The following GALNT13 variants were observed in gnomAD, a reference collection of about 807,000 sequenced individuals.
The protein encoded by GALNT13 is polypeptide N-acetylgalactosaminyltransferase 13, also known as UDP-GalNAc:polypeptide N-acetylgalactosaminyltransferase 13.
A neutral mutation model predicts 64.2 loss-of-function variants in GALNT13; 28 were observed. That is an observed-to-expected ratio of 0.44 (90% CI 0.32 to 0.60). The LOEUF (loss-of-function observed/expected upper bound fraction) is 0.60. Ranked by LOEUF, GALNT13 falls within the 20% of genes least tolerant of loss-of-function variation. GALNT13 has a pLI of 0.05. For synonymous variants in GALNT13, 214 were observed against 224.6 expected, an observed-to-expected ratio of 0.95 and a Z score of 0.42; for missense variants, 577 against 669.8, an observed-to-expected ratio of 0.86 and a Z score of 1.53.
intron 11 of GALNT13, among the ~76,000 whole-genome samples, chr2:154,418,089 A>C (rs1700101952): frequency 6.6e-6 from 1 of 152,284 alleles, no homozygotes; most frequent in African/African-American, 2.4e-5. Flanking sequence ...TTTCTTTTTA[A>C]AAAATCCCCT....
chr2:153,570,150 A>T, the GALNT13 span, among the ~76,000 whole-genome samples: 7 of 152,238 alleles, frequency 4.6e-5, no homozygotes, highest in African/African-American at 1.4e-4. Context: ...AACTGGGGTG[A>T]TATGATATCT....
At chr2:153,087,090 C>G in the GALNT13 span, among the ~76,000 whole-genome samples, 1 of 152,112 alleles carries the variant, frequency 6.6e-6, no homozygotes, top group Non-Finnish European at 1.5e-5. Context: ...CAACTTCTCC[C>G]TATTCAGTAT....
At chr2:153,619,293 CAA>C in the GALNT13 span, among the ~76,000 whole-genome samples, 17 of 152,082 alleles carry the variant, frequency 1.1e-4, no homozygotes, top group Admixed American at 7.9e-4. Flanking sequence ...AACAAACAAG[CAA>C]AAAGACTCTA....
chr2:154,061,518 A>G (rs892157156), intron 3 of GALNT13, among the ~76,000 whole-genome samples: 1 of 152,206 alleles, frequency 6.6e-6, no homozygotes, highest in African/African-American at 2.4e-5. Context: ...TCTAAAAATA[A>G]ACATGGAATG....
the GALNT13 span, among the ~76,000 whole-genome samples, chr2:153,323,750 T>C: frequency 3.3e-5 from 5 of 152,336 alleles, no homozygotes; most frequent in African/African-American, 1.2e-4. Context: ...TGGGAAATCC[T>C]TTCCCCATTG....
At chr2:153,124,687 G>A in the GALNT13 span, among the ~76,000 whole-genome samples, 5 of 151,868 alleles carry the variant, frequency 3.3e-5, no homozygotes, top group Non-Finnish European at 1.5e-5. Flanking sequence ...TGTATTTTTG[G>A]TAGACACAGG....
intron 11 of GALNT13, among the ~76,000 whole-genome samples, chr2:154,411,265 A>G (rs1435390005): frequency 1.3e-5 from 2 of 151,728 alleles, no homozygotes; most frequent in East Asian, 3.9e-4. Flanking sequence ...CAATTTAATA[A>G]CAAGATAAAA....
intron 9 of GALNT13, among the ~76,000 whole-genome samples, chr2:154,372,795 T>C (rs1369819775): frequency 1.5e-4 from 21 of 144,494 alleles, no homozygotes; most frequent in Non-Finnish European, 2.3e-4. Flanking sequence ...ATTTGAGTTT[T>C]CACAGTGTGC....
chr2:153,735,734 T>C, the GALNT13 span, among the ~76,000 whole-genome samples: 1 of 152,336 alleles, frequency 6.6e-6, no homozygotes, highest in Admixed American at 6.5e-5. Flanking sequence ...AGAGCAATAA[T>C]TTTGCAGAAT....
chr2:153,231,058 T>C, the GALNT13 span, among the ~76,000 whole-genome samples: 1 of 152,204 alleles, frequency 6.6e-6, no homozygotes, highest in African/African-American at 2.4e-5. Context: ...TCCACTATTT[T>C]GCATGTTGGG....
chr2:153,529,920 A>G, the GALNT13 span, among the ~76,000 whole-genome samples: 1 of 152,098 alleles, frequency 6.6e-6, no homozygotes, highest in Non-Finnish European at 1.5e-5. Context: ...CATGTGAAAT[A>G]GACACACAGC....
At chr2:153,415,838 T>A in the GALNT13 span, among the ~76,000 whole-genome samples, 3 of 152,194 alleles carry the variant, frequency 2.0e-5, no homozygotes, top group Non-Finnish European at 4.4e-5. Flanking sequence ...CTATTGTCAA[T>A]CTAAGCTAGT....
At chr2:153,241,738 T>C in the GALNT13 span, among the ~76,000 whole-genome samples, 3 of 151,796 alleles carry the variant, frequency 2.0e-5, no homozygotes, top group East Asian at 1.9e-4. Context: ...AAAAAAGGAT[T>C]TGTGAGACTA....
At chr2:153,414,591 A>G in the GALNT13 span, among the ~76,000 whole-genome samples, 16 of 151,892 alleles carry the variant, frequency 1.1e-4, no homozygotes, top group Admixed American at 3.3e-4. Flanking sequence ...AATGAAAACT[A>G]TCATTAGCTA....
the GALNT13 span, among the ~76,000 whole-genome samples, chr2:153,400,115 T>G: frequency 3.3e-5 from 5 of 152,016 alleles, no homozygotes; most frequent in Non-Finnish European, 7.4e-5. Context: ...ACCTAATTTA[T>G]TGAGAGTTTT....
the GALNT13 span, among the ~76,000 whole-genome samples, chr2:153,288,914 A>G: frequency 6.6e-6 from 1 of 152,192 alleles, no homozygotes; most frequent in Non-Finnish European, 1.5e-5. Flanking sequence ...ATAAATAGCT[A>G]CATATAAAAT....
the GALNT13 span, among the ~76,000 whole-genome samples, chr2:153,221,270 G>T: frequency 3.3e-5 from 5 of 152,128 alleles, no homozygotes; most frequent in Admixed American, 1.3e-4. Flanking sequence ...GACAGGGAGA[G>T]ACTCTGTCTC....
chr2:154,134,922 G>A (rs1051121060), intron 3 of GALNT13, among the ~76,000 whole-genome samples: 2 of 152,156 alleles, frequency 1.3e-5, no homozygotes, highest in East Asian at 3.9e-4. Context: ...GGAGGTGGAG[G>A]TTGCAGTGAG....
At chr2:153,845,433 G>A in the GALNT13 span, among the ~76,000 whole-genome samples, 55 of 152,076 alleles carry the variant, frequency 3.6e-4, no homozygotes, top group Non-Finnish European at 2.1e-4. Flanking sequence ...GGAAGGTACC[G>A]CACTCTTTTA....
Sources: allele counts gnomAD v4.1 joint callset (sites outside exome capture counted in the v4.1 genomes callset), GRCh38; gene constraint gnomAD v4.1.1; transcripts MANE v1.5; gene names NCBI Gene and HGNC (gene_info 2026-07-23, HGNC 2026-07-21).